GANC: variants seen among roughly 807,000 people sequenced by gnomAD.
GANC encodes the protein neutral alpha-glucosidase C.
Under a neutral mutation model 124.2 loss-of-function variants are expected in GANC, and 117 were observed. That is an observed-to-expected ratio of 0.94 (90% CI 0.81 to 1.10). GANC has a LOEUF of 1.10. Among genes scored for constraint, GANC ranks in the 50% least tolerant of loss-of-function variants. The probability of loss-of-function intolerance (pLI) is 0.00; values close to 1 mark genes in which losing one functional copy is unlikely to be tolerated. For synonymous variants in GANC, 377 were observed against 376.8 expected (o/e 1.00, Z -0.01); for missense variants, 1,140 against 1,095.0 (o/e 1.04, Z -0.58).
intron 7 of GANC, among the ~76,000 whole-genome samples, chr15:42,306,831 G>A (rs901284498): frequency 6.6e-6 from 1 of 152,088 alleles, no homozygotes; most frequent in Non-Finnish European, 1.5e-5. Context: ...TAGGCCACAC[G>A]GAGCTTATGG....
At chr15:42,324,595 C>A (rs1035363018) in intron 11 of GANC, among the ~76,000 whole-genome samples, 5 of 152,076 alleles carry the variant, frequency 3.3e-5, no homozygotes, top group Non-Finnish European at 5.9e-5. Flanking sequence ...TATATACGTA[C>A]AACAGAATAT....
chr15:42,293,032 T>C (rs895409878), intron 5 of GANC, 115 bp downstream of exon 5: 1 of 977,246 alleles, frequency 1.0e-6, no homozygotes, highest in Non-Finnish European at 1.5e-6. Context: ...TTATTTGCTC[T>C]AGTATTGTTC....
At position 42,273,460 on chromosome 15, in the gene GANC, T is replaced by G. The variant is rs1021981253; in HGVS notation, c.-1022T>G. On this transcript the variant is annotated 5_prime_UTR_variant, in exon 1 of 24. Transcript: ENST00000318010. ...CCCTCTTCCGGTTCGTCCCGCCTTC[T>G]TCCGGCTCTGCTCTAAGGGCGGGAT... 6.2e-7 allele frequency: 1 copy of G among 1,604,256 alleles called. No individual in the cohort carries two copies. Among genetic ancestry groups the G allele is most frequent in the Non-Finnish European group, 8.5e-7 (1 of 1,176,140 alleles).
At chr15:42,324,377 TC>T (rs1165016995) in intron 11 of GANC, among the ~76,000 whole-genome samples, 1 of 152,168 alleles carries the variant, frequency 6.6e-6, no homozygotes, top group Non-Finnish European at 1.5e-5. Context: ...ATATGATAGT[TC>T]CTCAGAAATT....
chr15:42,293,046 GA>G, intron 5 of GANC, 129 bp downstream of exon 5: 2 of 826,790 alleles, frequency 2.4e-6, no homozygotes, highest in Non-Finnish European at 3.7e-6. Context: ...ATTGTTCTGA[GA>G]AATTTTACCT....
intron 8 of GANC, among the ~76,000 whole-genome samples, chr15:42,308,595 T>C (rs1188339848): frequency 1.3e-5 from 2 of 152,164 alleles, no homozygotes; most frequent in East Asian, 3.9e-4. Context: ...GAGATTCTCC[T>C]GCCTCAGCCT....
intron 19 of GANC, among the ~76,000 whole-genome samples, chr15:42,345,088 T>C (rs2052353511): frequency 6.6e-6 from 1 of 152,202 alleles, no homozygotes; most frequent in African/African-American, 2.4e-5. Flanking sequence ...GATGTTTGCT[T>C]TCATTCTGCT....
intron 10 of GANC, among the ~76,000 whole-genome samples, chr15:42,311,616 G>A (rs2052050405): frequency 3.9e-5 from 6 of 152,182 alleles, no homozygotes; most frequent in African/African-American, 7.2e-5. Context: ...AAGGCAAAGG[G>A]GAAGCAGGCA....
At chr15:42,274,609 T>C in intron 1 of GANC, 99 bp downstream of exon 1, 8 of 1,195,602 alleles carry the variant, frequency 6.7e-6, no homozygotes, top group Non-Finnish European at 8.2e-6. Flanking sequence ...TGGTATTTGC[T>C]GACCTTTATC....
rs958300404 is a variant in GANC at position 42,273,540 on chromosome 15, C to T, written c.-942C>T. ...TGTTTGCTGTGCGGCGTAGCGGCCC[C>T]TCTCTCAGACAGTCGTCTGTGCGCC... On this transcript the variant is annotated 5_prime_UTR_variant, in exon 1 of 24. Coordinates refer to ENST00000318010, the MANE Select transcript of GANC (RefSeq NM_198141.3). 10 of 1,388,146 alleles carry T rather than the reference C, an allele frequency of 7.2e-6. No individual in the cohort carries two copies. In the African/African-American group the frequency reaches 7.4e-5, roughly 10 times the overall value. The allele number at this position is 1,388,146 out of a possible 1,614,324, so 86.0% of individuals were successfully genotyped here.
chr15:42,300,091 A>G (rs1443206387), intron 6 of GANC, among the ~76,000 whole-genome samples: 1 of 152,250 alleles, frequency 6.6e-6, no homozygotes, highest in East Asian at 1.9e-4. Flanking sequence ...AAGCAAATGC[A>G]ATAAAAACCA....
chr15:42,304,836 A>G (rs1426530381), intron 6 of GANC, among the ~76,000 whole-genome samples: 1 of 152,172 alleles, frequency 6.6e-6, no homozygotes, highest in East Asian at 1.9e-4. Context: ...CTGATCTTTG[A>G]CAACCTGACA....
In GANC at chr15:42,278,465, A is replaced by G; in HGVS notation, c.93-17A>G. 1.3e-6 allele frequency: 2 copies of G among 1,516,060 alleles called. No homozygotes were observed. The highest frequency in any genetic ancestry group is 1.8e-6 in the Non-Finnish European group (2 of 1,098,586). 93.9% of individuals were successfully genotyped at this position (1,516,060 alleles called of 1,614,324 possible). ...TCACAAATAATTATCAAGCATCTGC[A>G]TACTCCGTATCTATAGGCGTCAGAA... On this transcript the variant is annotated splice_polypyrimidine_tract_variant and intron_variant, in intron 2 of 23. Coordinates refer to ENST00000318010, the MANE Select transcript of GANC (RefSeq NM_198141.3).
intron 22 of GANC, 128 bp downstream of exon 22, chr15:42,349,623 C>A: frequency 1.6e-6 from 1 of 640,038 alleles, no homozygotes; most frequent in East Asian, 2.8e-5. Flanking sequence ...AGGCCGTTTC[C>A]GGAATATTTT....
intron 2 of GANC, among the ~76,000 whole-genome samples, chr15:42,276,702 A>G (rs532609868): frequency 2.6e-4 from 39 of 152,306 alleles, no homozygotes; most frequent in African/African-American, 8.4e-4. Context: ...TAATATAAAG[A>G]GCTATACATT....
At chr15:42,351,975 T>C in intron 23 of GANC, 55 bp from the exon 24 acceptor site, 4 of 1,602,764 alleles carry the variant, frequency 2.5e-6, no homozygotes, top group Non-Finnish European at 3.4e-6. Flanking sequence ...GAGAAAAGAC[T>C]TTTCCCTTCT....
At chr15:42,327,598 G>T in intron 13 of GANC, 156 bp downstream of exon 13, 1 of 613,892 alleles carries the variant, frequency 1.6e-6, no homozygotes, top group Non-Finnish European at 2.8e-6. Context: ...CAGACTCTGG[G>T]GGTGCTGGGA....
chr15:42,278,520 A>G lies in GANC; in HGVS notation c.131A>G (p.Gln44Arg), dbSNP rs8024732. The G allele has an allele frequency of 0.82, 1,327,814 of 1,610,656 alleles. 556,836 individuals carry two copies. The highest frequency in any genetic ancestry group is 0.87 in the Non-Finnish European group (1,020,341 of 1,178,334). ...KQWLSKKSTY[Q>R]ALLDSVTTDE... ...TGGCTTTCCAAGAAGTCCACCTATC[A>G]GGCATTATTGGATTCAGTCACAACA... The change falls in exon 3 of 24, where the codon CAG becomes CGG. Residue 44 changes from glutamine to arginine, a missense_variant. Coordinates refer to ENST00000318010, the MANE Select transcript of GANC (RefSeq NM_198141.3).
intron 4 of GANC, among the ~76,000 whole-genome samples, chr15:42,291,840 C>G (rs1379852293): frequency 6.6e-6 from 1 of 152,112 alleles, no homozygotes; most frequent in African/African-American, 2.4e-5. Flanking sequence ...ATGGAATCAT[C>G]AAAAGAACTC....
Sources: allele counts gnomAD v4.1 joint callset (sites outside exome capture counted in the v4.1 genomes callset), GRCh38; gene constraint gnomAD v4.1.1; transcripts MANE v1.5; gene names NCBI Gene and HGNC (gene_info 2026-07-23, HGNC 2026-07-21).